Variants in NFXL1 observed in about 807,000 individuals in gnomAD.
NFXL1 encodes nuclear transcription factor, X-box binding like 1, also known as NF-X1-type zinc finger protein NFXL1.
NFXL1 carries 66 observed loss-of-function variants against 123.3 expected under a neutral mutation model. That is an observed-to-expected ratio of 0.54 (90% CI 0.44 to 0.66). NFXL1 has a LOEUF of 0.66. Among genes scored for constraint, NFXL1 ranks in the 30% least tolerant of loss-of-function variants. The probability of loss-of-function intolerance (pLI) is 0.00; values close to 1 mark genes in which losing one functional copy is unlikely to be tolerated. For missense variants in NFXL1, 944 were observed against 1,125.6 expected (o/e 0.84, Z 2.31); for synonymous variants, 346 against 360.8 (o/e 0.96, Z 0.46).
chr4:47,863,006 TA>T (rs1734851718), intron 18 of NFXL1, 91 bp from the exon 19 acceptor site: 2 of 711,124 alleles, frequency 2.8e-6, no homozygotes, highest in African/African-American at 3.6e-5. Context: ...AACATATCCA[TA>T]AAATTATCTT....
intron 5 of NFXL1, among the ~76,000 whole-genome samples, chr4:47,902,547 A>T (rs1173126154): frequency 6.6e-6 from 1 of 152,236 alleles, no homozygotes; most frequent in Non-Finnish European, 1.5e-5. Flanking sequence ...AGTCTTGTAC[A>T]ATGTAATAAT....
rs145296120 is a variant in NFXL1, at chr4:47,851,407, CAA to C, written c.2509-261_2509-260del. ...GTAAAATCGGTATTACATCGTAATT[CAA>C]AGAGTTAAAACACTGTAACAGCAAA... On this transcript the variant is annotated intron_variant, in intron 21 of 22. Coordinates refer to ENST00000507489, the MANE Select transcript of NFXL1 (RefSeq NM_001278624.2). Among the ~76,000 whole-genome samples, 436 of 152,190 alleles carry C rather than the reference CAA, an allele frequency of 2.9e-3. 6 individuals carry two copies. Among genetic ancestry groups the C allele is most frequent in the African/African-American group, 0.01 (420 of 41,540 alleles).
At chr4:47,849,282 C>T (rs559019091) in intron 22 of NFXL1, among the ~76,000 whole-genome samples, 39 of 152,214 alleles carry the variant, frequency 2.6e-4, no homozygotes, top group African/African-American at 8.9e-4. Flanking sequence ...TACTAAAAGA[C>T]GATAACTGAA....
intron 11 of NFXL1, among the ~76,000 whole-genome samples, chr4:47,893,694 T>C (rs549748027): frequency 3.3e-5 from 5 of 151,208 alleles, no homozygotes; most frequent in Non-Finnish European, 5.9e-5. Flanking sequence ...AGGAAATCCT[T>C]CAGAATAGAA....
intron 10 of NFXL1, among the ~76,000 whole-genome samples, chr4:47,895,175 C>T (rs1215568498): frequency 6.6e-6 from 1 of 152,052 alleles, no homozygotes; most frequent in Non-Finnish European, 1.5e-5. Context: ...CATAGATGTG[C>T]TGTCATCTAG....
At chr4:47,877,848 C>T (rs1043781510) in intron 17 of NFXL1, among the ~76,000 whole-genome samples, 6 of 151,792 alleles carry the variant, frequency 4.0e-5, no homozygotes, top group African/African-American at 1.5e-4. Flanking sequence ...AATTTTCTGG[C>T]CTATTTCTCA....
In NFXL1 at chr4:47,848,240, G is replaced by A. The variant is rs1733922727; in HGVS notation, c.2659C>T (p.His887Tyr). Residue 887 changes from histidine (H) to tyrosine (Y), a missense_variant, in exon 23 of 23, where the codon CAT becomes TAT. Transcript: ENST00000507489. ...CACACTGAAATGAGATAATATTTAT[G>A]TTTTTGCCATAGTGATAGCTCAACT... ...VAVELSLWQK[H>Y]KYYLISVCGV... 6.2e-7 allele frequency: 1 copy of A among 1,612,630 alleles called. No homozygotes were observed. The highest frequency in any genetic ancestry group is 8.5e-7 in the Non-Finnish European group (1 of 1,179,110).
chr4:47,913,738 G>C (rs1356775457), intron 2 of NFXL1, among the ~76,000 whole-genome samples: 1 of 151,762 alleles, frequency 6.6e-6, no homozygotes. Context: ...AGAGTGGAGG[G>C]AAGTAACAAA....
At chr4:47,879,374 A>T (rs1301805408) in intron 15 of NFXL1, among the ~76,000 whole-genome samples, 1 of 152,192 alleles carries the variant, frequency 6.6e-6, no homozygotes, top group East Asian at 1.9e-4. Context: ...AATTTAACAA[A>T]ATATATACAA....
At chr4:47,914,236 G>T (rs1737998846) in intron 1 of NFXL1, 31 bp from the exon 2 acceptor site, 1 of 1,375,926 alleles carries the variant, frequency 7.3e-7, no homozygotes, top group Non-Finnish European at 9.7e-7. Context: ...AAAAAGAGTG[G>T]AAGGAGGTGA....
intron 2 of NFXL1, among the ~76,000 whole-genome samples, chr4:47,911,259 AT>A (rs1262758208): frequency 1.3e-5 from 2 of 152,252 alleles, no homozygotes; most frequent in Non-Finnish European, 2.9e-5. Flanking sequence ...AAGAAAAAAA[AT>A]ATGAAAATAC....
Position 47,896,449 on chromosome 4 carries a change from A to C in NFXL1, c.1329+74T>G, listed in dbSNP as rs1271878586. 1.6e-5 allele frequency: 19 copies of C among 1,207,424 alleles called. No homozygotes were observed. In the East Asian group the frequency reaches 4.2e-4, roughly 27 times the overall value. The allele number at this position is 1,207,424 out of a possible 1,614,324, so 74.8% of individuals were successfully genotyped here. ...TATATGAAAATAAGTAATAGAAAAC[A>C]ACCACAGGACAATCTCATTTGATAC... On this transcript the variant is annotated intron_variant, in intron 10 of 22. Coordinates refer to ENST00000507489, the MANE Select transcript of NFXL1 (RefSeq NM_001278624.2).
At position 47,914,072 on chromosome 4, in the gene NFXL1, T is replaced by G; in HGVS notation, c.132A>C (p.Ala44=). 1 of 1,549,852 alleles carries G rather than the reference T, an allele frequency of 6.5e-7. No homozygotes were observed. Among genetic ancestry groups the G allele is most frequent in the Non-Finnish European group, 8.7e-7 (1 of 1,147,070 alleles). Residue 44 remains alanine, a synonymous_variant, in exon 2 of 23, where the codon GCA becomes GCC. Transcript: ENST00000507489. ...GGGREKGSVG[A]VPSGTSPGGV... ...CTCCGGGACTGGTGCCAGAAGGAAC[T>G]GCGCCCACCGACCCCTTCTCTCGCC...
intron 3 of NFXL1, among the ~76,000 whole-genome samples, chr4:47,907,093 AAGGCTTGAAGT>A (rs1397340153): frequency 2.6e-5 from 4 of 152,216 alleles, no homozygotes; most frequent in Non-Finnish European, 4.4e-5. Context: ...AGCAGCTGTA[AAGGCTTGAAGT>A]AGGCAATGAC....
At chr4:47,848,697 G>A (rs1275214361) in intron 22 of NFXL1, among the ~76,000 whole-genome samples, 1 of 152,080 alleles carries the variant, frequency 6.6e-6, no homozygotes, top group African/African-American at 2.4e-5. Flanking sequence ...AGACCATCCT[G>A]GCTAACATGG....
At chr4:47,904,291 C>A (rs180945977) in intron 4 of NFXL1, among the ~76,000 whole-genome samples, 24 of 152,208 alleles carry the variant, frequency 1.6e-4, no homozygotes, top group Non-Finnish European at 3.1e-4. Flanking sequence ...CACCTACCAA[C>A]TCCCTGTGGT....
intron 14 of NFXL1, among the ~76,000 whole-genome samples, chr4:47,884,820 G>C (rs1200399318): frequency 1.3e-5 from 2 of 152,006 alleles, no homozygotes; most frequent in Non-Finnish European, 2.9e-5. Flanking sequence ...ATTTAGTAAG[G>C]GCTCAATAAA....
At position 47,847,749 on chromosome 4, in the gene NFXL1, T is replaced by A. The variant is rs10517201; in HGVS notation, c.*414A>T. 0.33 allele frequency: 49,800 copies of A among 153,074 alleles called. 9,898 individuals are homozygous for A. The highest frequency in any genetic ancestry group is 0.44 in the Non-Finnish European group (30,053 of 68,370). 9.5% of individuals were successfully genotyped at this position (153,074 alleles called of 1,614,324 possible). On this transcript the variant is annotated 3_prime_UTR_variant, in exon 23 of 23. Transcript: ENST00000507489. ...TTTAAAAAGCACAAAGTTAACAGTA[T>A]CAAGAAAAGTACTCTATCATAAGTA...
At chr4:47,900,393 T>C (rs1737308260) in intron 5 of NFXL1, among the ~76,000 whole-genome samples, 1 of 152,180 alleles carries the variant, frequency 6.6e-6, no homozygotes, top group South Asian at 2.1e-4. Context: ...GTATTTTTAG[T>C]AGATCCGGGG....
Sources: allele counts gnomAD v4.1 joint callset (sites outside exome capture counted in the v4.1 genomes callset), GRCh38; gene constraint gnomAD v4.1.1; transcripts MANE v1.5; gene names NCBI Gene and HGNC (gene_info 2026-07-23, HGNC 2026-07-21).